SYT1: variants seen among roughly 807,000 people sequenced by gnomAD.
SYT1 encodes synaptotagmin 1.
A neutral mutation model predicts 44.8 loss-of-function variants in SYT1; 8 were observed. That is an observed-to-expected ratio of 0.18 (90% CI 0.10 to 0.32). The LOEUF (loss-of-function observed/expected upper bound fraction) is 0.32, where lower values mean the gene tolerates loss of function less well. Among genes scored for constraint, SYT1 ranks in the 10% least tolerant of loss-of-function variants. The pLI, the probability that SYT1 is intolerant of heterozygous loss-of-function variation, is 1.00. For synonymous variants in SYT1, 154 were observed against 188.8 expected (o/e 0.82, Z 1.51); for missense variants, 286 against 509.3 (o/e 0.56, Z 4.22).
At chr12:79,129,842 C>A (rs1056181005) in intron 3 of SYT1, among the ~76,000 whole-genome samples, 1 of 152,054 alleles carries the variant, frequency 6.6e-6, no homozygotes, top group African/African-American at 2.4e-5. Flanking sequence ...CCATTTAAGT[C>A]ATAGTGCTTC....
chr12:79,445,699 G>T (rs998169005), intron 10 of SYT1, among the ~76,000 whole-genome samples: 5 of 151,158 alleles, frequency 3.3e-5, no homozygotes, highest in Non-Finnish European at 7.4e-5. Flanking sequence ...TTCATCTGTT[G>T]TTGGACACCT....
chr12:78,949,884 T>C (rs929626976), intron 1 of SYT1, among the ~76,000 whole-genome samples: 11 of 152,128 alleles, frequency 7.2e-5, no homozygotes, highest in African/African-American at 1.7e-4. Context: ...ATCTGAACTA[T>C]GAAAACCTTT....
chr12:78,926,725 G>T (rs1368332314), intron 1 of SYT1: 1 of 152,020 alleles, frequency 6.6e-6, no homozygotes, highest in Non-Finnish European at 1.5e-5. Context: ...ATCCATGTAA[G>T]TATCACCAGC....
chr12:78,905,026 T>C (rs1052974959), intron 1 of SYT1, among the ~76,000 whole-genome samples: 40 of 152,184 alleles, frequency 2.6e-4, no homozygotes, highest in Admixed American at 2.2e-3. Flanking sequence ...TCCTAAGATA[T>C]CTCATAAAAC....
chr12:79,239,933 A>C (rs1876402578), intron 4 of SYT1, among the ~76,000 whole-genome samples: 1 of 152,194 alleles, frequency 6.6e-6, no homozygotes. Flanking sequence ...TCACCTCAGG[A>C]AGGGCCTAGT....
intron 2 of SYT1, among the ~76,000 whole-genome samples, chr12:79,007,949 A>T (rs944981213): frequency 2.6e-4 from 39 of 152,130 alleles, no homozygotes; most frequent in African/African-American, 9.2e-4. Context: ...TTTAGGAAGC[A>T]CTTGGAGATA....
chr12:79,129,361 A>G (rs1223182773), intron 3 of SYT1, among the ~76,000 whole-genome samples: 1 of 152,216 alleles, frequency 6.6e-6, no homozygotes, highest in Non-Finnish European at 1.5e-5. Flanking sequence ...AGCAGAAGAT[A>G]AAAGGCATAG....
chr12:79,076,176 A>T (rs1482215078), intron 3 of SYT1, among the ~76,000 whole-genome samples: 2 of 152,066 alleles, frequency 1.3e-5, no homozygotes, highest in Non-Finnish European at 2.9e-5. Flanking sequence ...AGCTGGGGGA[A>T]TTTAGGAGGG....
chr12:79,086,876 T>A (rs1170689288), intron 3 of SYT1, among the ~76,000 whole-genome samples: 1 of 152,158 alleles, frequency 6.6e-6, no homozygotes, highest in East Asian at 1.9e-4. Flanking sequence ...CCTCCAGGCA[T>A]TTCACATTCA....
intron 3 of SYT1, among the ~76,000 whole-genome samples, chr12:79,159,561 T>TA (rs1565832328): frequency 1.3e-5 from 2 of 152,192 alleles, no homozygotes; most frequent in Non-Finnish European, 2.9e-5. Flanking sequence ...TAATTGTTGT[T>TA]ACTCTCTCAC....
chr12:79,003,893 C>G (rs1870906311), intron 2 of SYT1, among the ~76,000 whole-genome samples: 1 of 151,806 alleles, frequency 6.6e-6, no homozygotes, highest in South Asian at 2.1e-4. Context: ...TCTTTTGTTC[C>G]AATTTAAAGC....
chr12:78,921,625 G>T (rs539750162), intron 1 of SYT1, among the ~76,000 whole-genome samples: 1 of 151,890 alleles, frequency 6.6e-6, no homozygotes, highest in African/African-American at 2.4e-5. Flanking sequence ...AAAGTGCTAG[G>T]TAATGAAGAC....
chr12:78,957,832 A>T (rs1485157830), intron 1 of SYT1, among the ~76,000 whole-genome samples: 1 of 152,170 alleles, frequency 6.6e-6, no homozygotes, highest in Non-Finnish European at 1.5e-5. Context: ...ATCCTACAAA[A>T]TGTAGAAAAT....
chr12:79,378,875 A>G (rs986383545), intron 9 of SYT1, among the ~76,000 whole-genome samples: 1 of 152,202 alleles, frequency 6.6e-6, no homozygotes, highest in Non-Finnish European at 1.5e-5. Context: ...AGCCCAAATT[A>G]GGAAAGTTTT....
intron 3 of SYT1, among the ~76,000 whole-genome samples, chr12:79,154,081 A>T (rs1394463120): frequency 6.6e-6 from 1 of 152,072 alleles, no homozygotes; most frequent in Non-Finnish European, 1.5e-5. Flanking sequence ...ACATTCTGCC[A>T]ATCATTAGTG....
intron 8 of SYT1, among the ~76,000 whole-genome samples, chr12:79,315,307 C>T (rs899134948): frequency 6.6e-6 from 1 of 152,112 alleles, no homozygotes; most frequent in Non-Finnish European, 1.5e-5. Flanking sequence ...AACTCCCAAA[C>T]CCAAGCAATC....
chr12:79,421,334 G>A (rs1869100707), intron 9 of SYT1, among the ~76,000 whole-genome samples: 1 of 152,046 alleles, frequency 6.6e-6, no homozygotes, highest in African/African-American at 2.4e-5. Flanking sequence ...TTACTGTCTT[G>A]AACTCTTTTA....
chr12:78,888,662 C>T (rs1874877937), intron 1 of SYT1, among the ~76,000 whole-genome samples: 1 of 151,884 alleles, frequency 6.6e-6, no homozygotes, highest in Admixed American at 6.6e-5. Context: ...TTCTTCTAGT[C>T]ACCTTCTGAA....
intron 9 of SYT1, among the ~76,000 whole-genome samples, chr12:79,402,719 G>A (rs1885115015): frequency 1.3e-5 from 2 of 152,150 alleles, no homozygotes; most frequent in African/African-American, 4.8e-5. Flanking sequence ...GTGAGGCAGG[G>A]CTTAGGGAAA....
Sources: allele counts gnomAD v4.1 joint callset (sites outside exome capture counted in the v4.1 genomes callset), GRCh38; gene constraint gnomAD v4.1.1; transcripts MANE v1.5; gene names NCBI Gene and HGNC (gene_info 2026-07-23, HGNC 2026-07-21).